The following RDX variants were observed in gnomAD, a reference collection of about 807,000 sequenced individuals.
RDX encodes radixin.
RDX carries 32 observed loss-of-function variants against 83.7 expected under a neutral mutation model. That is an observed-to-expected ratio of 0.38 (90% CI 0.29 to 0.51). RDX has a LOEUF of 0.51. RDX is among the 20% of genes least tolerant of loss of function. The pLI is 0.87. For synonymous variants in RDX, 229 were observed against 222.7 expected (o/e 1.03, Z -0.25); for missense variants, 600 against 689.9 (o/e 0.87, Z 1.46).
intron 15 of RDX, among the ~76,000 whole-genome samples, chr11:110,184,485 G>A (rs1207062815): frequency 6.6e-6 from 1 of 152,218 alleles, no homozygotes; most frequent in Admixed American, 6.5e-5. Context: ...GGGCCTCTAA[G>A]GTGTAAGCCT....
chr11:110,240,515 G>A (rs1383392338), intron 10 of RDX, among the ~76,000 whole-genome samples: 2 of 152,038 alleles, frequency 1.3e-5, no homozygotes, highest in East Asian at 1.9e-4. Context: ...AGGCCGAGGC[G>A]GGCGGATCAC....
chr11:110,262,928 C>T lies in RDX; in HGVS notation c.467+1032G>A, dbSNP rs555256974. On this transcript the variant is annotated intron_variant, in intron 5 of 13. Transcript: ENST00000645495. Reference sequence around the variant, plus strand: ...AGCAGCAGTACACTGTAGATAAGAACAATGCACCAGCCTAGGAGTCTGAAA... The same window carrying T: ...AGCAGCAGTACACTGTAGATAAGAATAATGCACCAGCCTAGGAGTCTGAAA... Among the ~76,000 whole-genome samples the T allele has an allele frequency of 2.6e-5, 4 of 152,226 alleles. No individual in the cohort carries two copies. In the South Asian group the frequency reaches 8.3e-4, roughly 32 times the overall value.
chr11:110,184,703 G>A (rs953791616), intron 15 of RDX, among the ~76,000 whole-genome samples: 2 of 152,174 alleles, frequency 1.3e-5, no homozygotes, highest in African/African-American at 4.8e-5. Flanking sequence ...TGTGCAGCGG[G>A]CAGCCCACTC....
intron 9 of RDX, among the ~76,000 whole-genome samples, chr11:110,253,576 C>A (rs1018585887): frequency 7.2e-5 from 11 of 152,248 alleles, no homozygotes; most frequent in Admixed American, 7.2e-4. Context: ...TTGTGTTCTA[C>A]AATGTCACTG....
intron 3 of RDX, among the ~76,000 whole-genome samples, chr11:110,270,371 G>A (rs914654062): frequency 6.6e-5 from 10 of 151,878 alleles, no homozygotes; most frequent in African/African-American, 1.5e-4. Context: ...GTATTTAAAC[G>A]TATCTAAACA....
intron 1 of RDX, 52 bp downstream of exon 1, chr11:110,296,415 T>G (rs1861464847): frequency 6.6e-6 from 1 of 151,456 alleles, no homozygotes; most frequent in East Asian, 1.9e-4. Context: ...CCTTAGCGTC[T>G]CCGGAGGAAC....
intron 11 of RDX, 73 bp downstream of exon 11, chr11:110,237,415 TTTTC>T (rs1864900329): frequency 2.1e-6 from 3 of 1,425,664 alleles, no homozygotes; most frequent in Non-Finnish European, 2.9e-6. Flanking sequence ...AAATGGTTGC[TTTTC>T]TTTTTTTCTT....
Position 110,231,617 on chromosome 11 carries a change from GA to G in RDX, c.*251del, listed in dbSNP as rs532505138. 4.5e-3 allele frequency: 2,297 copies of G among 505,452 alleles called. 10 individuals are homozygous for G. The highest frequency in any genetic ancestry group is 6.1e-3 in the Non-Finnish European group (1,709 of 280,494). The allele number at this position is 505,452 out of a possible 1,614,324, so 31.3% of individuals were successfully genotyped here. ...CTTCAACAGAAAAAAAAAAGAAAAAGAAAAAAAATGTGAAAAGAGGCAATGG... is the reference window on the plus strand; with the variant it reads ...CTTCAACAGAAAAAAAAAAGAAAAAGAAAAAAATGTGAAAAGAGGCAATGG... On this transcript the variant is annotated 3_prime_UTR_variant, in exon 14 of 14. Transcript: ENST00000645495.
intron 1 of RDX, among the ~76,000 whole-genome samples, chr11:110,296,084 G>A (rs1293445729): frequency 6.6e-6 from 1 of 152,240 alleles, no homozygotes; most frequent in Admixed American, 6.5e-5. Context: ...CGGGCCCGGG[G>A]CCCAGTCCAG....
At chr11:110,236,982 C>A (rs913347237) in intron 11 of RDX, among the ~76,000 whole-genome samples, 7 of 152,070 alleles carry the variant, frequency 4.6e-5, no homozygotes, top group African/African-American at 1.7e-4. Context: ...ACATACATAG[C>A]AAGTACATGT....
intron 10 of RDX, among the ~76,000 whole-genome samples, chr11:110,244,504 C>CA (rs1865231075): frequency 2.6e-5 from 4 of 151,748 alleles, no homozygotes; most frequent in Middle Eastern, 3.2e-3. Flanking sequence ...ATATGATGGT[C>CA]TAGAACAGAC....
intron 6 of RDX, 86 bp from the exon 7 acceptor site, chr11:110,257,999 C>A (rs944631332): frequency 2.0e-6 from 3 of 1,476,132 alleles, no homozygotes; most frequent in Non-Finnish European, 1.9e-6. Flanking sequence ...AAAATTAGTA[C>A]TTTACATAAG....
chr11:110,233,460 T>G lies in RDX; in HGVS notation c.1364A>C (p.Asp455Ala), dbSNP rs727505062. Residue 455 changes from aspartate (D) to alanine (A), a missense_variant, in exon 13 of 14, where the codon GAC becomes GCC. Physicochemically the swap from Asp to Ala is moderately radical, Grantham distance 126. Transcript: ENST00000645495. ...TAACTCTTCTTTGGTCTTTTCCAAG[T>G]CTTCCTGGGCTGCAAAAGCCTGAAC... ...WQHKAFAAQE[D>A]LEKTKEELKT... 4.3e-6 allele frequency: 7 copies of G among 1,614,040 alleles called. No homozygotes were observed. The highest frequency in any genetic ancestry group is 5.9e-6 in the Non-Finnish European group (7 of 1,180,028).
chr11:110,216,691 T>A (rs2134268021), intron 14 of RDX, among the ~76,000 whole-genome samples: 2 of 151,904 alleles, frequency 1.3e-5, no homozygotes, highest in African/African-American at 4.8e-5. Flanking sequence ...ATTTTATTTT[T>A]AATTTTTGTA....
At chr11:110,199,195 C>A (rs1364197850) in intron 15 of RDX, among the ~76,000 whole-genome samples, 1 of 152,158 alleles carries the variant, frequency 6.6e-6, no homozygotes, top group East Asian at 1.9e-4. Flanking sequence ...ATAATACTTT[C>A]ATTCTCAATG....
At chr11:110,292,723 T>C (rs1416491706) in intron 1 of RDX, among the ~76,000 whole-genome samples, 1 of 152,092 alleles carries the variant, frequency 6.6e-6, no homozygotes, top group East Asian at 1.9e-4. Context: ...CAGTCCATTA[T>C]CTCAATTACT....
chr11:110,201,343 T>A (rs1333446856), intron 14 of RDX, among the ~76,000 whole-genome samples: 1 of 152,122 alleles, frequency 6.6e-6, no homozygotes, highest in Non-Finnish European at 1.5e-5. Context: ...TTATTTTTCA[T>A]GAAAATAATG....
Position 110,272,089 on chromosome 11 carries a change from T to C in RDX, c.96+447A>G, listed in dbSNP as rs566628914. On this transcript the variant is annotated intron_variant, in intron 3 of 13. Coordinates refer to ENST00000645495, the MANE Select transcript of RDX (RefSeq NM_002906.4). ...TGGGTCCCATCCCCAAGATATCTCA[T>C]TATACATATGCAAATATTCCAAAAT... is the stretch of plus-strand genomic sequence containing the variant. Among the ~76,000 whole-genome samples the C allele has an allele frequency of 1.8e-4, 27 of 152,334 alleles. No homozygotes were observed. The South Asian group carries it at 5.4e-3, about 30-fold the overall frequency.
intron 14 of RDX, among the ~76,000 whole-genome samples, chr11:110,207,017 G>C (rs1863630772): frequency 6.6e-6 from 1 of 152,036 alleles, no homozygotes; most frequent in Admixed American, 6.6e-5. Flanking sequence ...CTGTTGCCCA[G>C]GCTGGAGTGC....
Sources: gnomAD v4.1 joint callset for allele counts (sites outside exome capture counted in the v4.1 genomes callset) on GRCh38, gnomAD v4.1.1 for gene constraint, MANE v1.5 for transcripts, NCBI Gene and HGNC (gene_info 2026-07-23, HGNC 2026-07-21) for gene names.